Variants in TRPC5 observed in about 807,000 individuals in gnomAD.
TRPC5 encodes the protein short transient receptor potential channel 5.
A neutral mutation model predicts 56.5 loss-of-function variants in TRPC5; 9 were observed. That is an observed-to-expected ratio of 0.16 (90% CI 0.10 to 0.28). The LOEUF is 0.28. Among genes scored for constraint, TRPC5 ranks in the 10% least tolerant of loss-of-function variants. TRPC5 has a pLI of 1.00. For missense variants in TRPC5, 469 were observed against 748.9 expected (o/e 0.63, Z 4.36); for synonymous variants, 282 against 278.5 (o/e 1.01, Z -0.13).
In TRPC5 at chrX:112,068,444, C is replaced by T. The variant is rs190528437; in HGVS notation, c.-22+13435G>A. 1.6e-3 allele frequency among the ~76,000 whole-genome samples: 185 copies of T among 112,376 alleles called. 1 individual carries two copies. Among genetic ancestry groups the T allele is most frequent in the African/African-American group, 5.5e-3 (171 of 30,950 alleles). ...AGCTTGAATGATAGGGATTCATACA[C>T]CAAGGTTGGGTGATTGTGGGGAGAA... On this transcript the variant is annotated intron_variant, in intron 1 of 10. Coordinates refer to ENST00000262839, the MANE Select transcript of TRPC5 (RefSeq NM_012471.3).
At chrX:111,876,334 T>A (rs1923941502) in intron 3 of TRPC5, 1 of 111,531 alleles carries the variant, frequency 9.0e-6, no homozygotes, top group African/African-American at 3.3e-5. Context: ...AGAGGATAGG[T>A]AAGTTTTCCT....
intron 7 of TRPC5, among the ~76,000 whole-genome samples, chrX:111,830,977 G>A (rs1371629798): frequency 1.8e-5 from 2 of 112,432 alleles, no homozygotes; most frequent in African/African-American, 3.2e-5. Flanking sequence ...AATCACAAGT[G>A]TGGTATCTCT....
At chrX:111,780,826 C>G (rs1314377225) in intron 9 of TRPC5, among the ~76,000 whole-genome samples, 1 of 111,355 alleles carries the variant, frequency 9.0e-6, no homozygotes, top group Non-Finnish European at 1.9e-5. Flanking sequence ...AGTGATTTTT[C>G]TAGTATCTAG....
rs190115947 is a variant in TRPC5 at position 111,964,920 on chromosome X, C to A, written c.-21-12479G>T. ...GCTAGGAAGAAACTGCATCAACTAA[C>A]GAGCAAAATAACCCGCTAACATCAA... On this transcript the variant is annotated intron_variant, in intron 1 of 10. Coordinates refer to ENST00000262839, the MANE Select transcript of TRPC5 (RefSeq NM_012471.3). Among the ~76,000 whole-genome samples the A allele has an allele frequency of 4.3e-4, 48 of 111,793 alleles. No individual in the cohort carries two copies. The South Asian group carries it at 5.7e-3, about 13-fold the overall frequency.
chrX:111,892,135 C>T (rs1924836289), intron 3 of TRPC5, among the ~76,000 whole-genome samples: 1 of 112,110 alleles, frequency 8.9e-6, no homozygotes, highest in African/African-American at 3.2e-5. Flanking sequence ...GAGGAGGCCA[C>T]AACTGGTGCT....
chrX:111,972,067 CCTT>C (rs2148648923), intron 1 of TRPC5, among the ~76,000 whole-genome samples: 1 of 111,422 alleles, frequency 9.0e-6, no homozygotes, highest in African/African-American at 3.3e-5. Context: ...TGAAATGCGT[CCTT>C]CTTGGCTGCA....
chrX:111,964,586 T>C (rs948859010), intron 1 of TRPC5, among the ~76,000 whole-genome samples: 1 of 111,656 alleles, frequency 9.0e-6, no homozygotes, highest in Non-Finnish European at 1.9e-5. Context: ...AAGGTGGGGT[T>C]ACCCACAAAG....
At chrX:112,013,883 G>A (rs928776739) in intron 1 of TRPC5, among the ~76,000 whole-genome samples, 4 of 111,788 alleles carry the variant, frequency 3.6e-5, no homozygotes, top group Admixed American at 9.5e-5. Context: ...GAAGGGCATC[G>A]TTGGGGTATA....
chrX:112,032,296 T>C (rs140801267), intron 1 of TRPC5, among the ~76,000 whole-genome samples: 1,137 of 108,176 alleles, frequency 0.011, 13 homozygotes, highest in African/African-American at 0.037. Flanking sequence ...ACACTGCTGG[T>C]GAGAAGGTGA....
chrX:111,976,386 G>A (rs780634206), intron 1 of TRPC5, among the ~76,000 whole-genome samples: 61 of 111,230 alleles, frequency 5.5e-4, no homozygotes, highest in African/African-American at 2.0e-3. Context: ...TTGTGCCACT[G>A]AACTCCAGCC....
At position 111,928,487 on chromosome X, in the gene TRPC5, TTC is replaced by T. The variant is rs758381520; in HGVS notation, c.379-15677_379-15676del. 1.9e-4 allele frequency among the ~76,000 whole-genome samples: 21 copies of T among 112,368 alleles called. No homozygotes were observed. The Admixed American group carries it at 2.0e-3, about 11-fold the overall frequency. On this transcript the variant is annotated intron_variant, in intron 2 of 10. Coordinates refer to ENST00000262839, the MANE Select transcript of TRPC5 (RefSeq NM_012471.3). ...AAGAACAATGTCCCTATCCCATAAT[TTC>T]TCTCTCTCTGATATTACTTCCAATT... is the stretch of plus-strand genomic sequence containing the variant.
intron 1 of TRPC5, among the ~76,000 whole-genome samples, chrX:112,079,735 G>T (rs1930917614): frequency 8.9e-6 from 1 of 111,873 alleles, no homozygotes; most frequent in Non-Finnish European, 1.9e-5. Flanking sequence ...TATAGCTCTT[G>T]TGGCTGGGAA....
intron 1 of TRPC5, among the ~76,000 whole-genome samples, chrX:112,058,068 G>A (rs1459483682): frequency 8.9e-6 from 1 of 111,772 alleles, no homozygotes; most frequent in Non-Finnish European, 1.9e-5. Flanking sequence ...GTCTTTGTGA[G>A]AGAAGGAGGG....
intron 7 of TRPC5, among the ~76,000 whole-genome samples, chrX:111,806,236 CA>C (rs1326953493): frequency 5.4e-5 from 6 of 111,896 alleles, no homozygotes. Flanking sequence ...CTTAAAACCA[CA>C]AACATTTATT....
In TRPC5 at chrX:111,969,013, AATAAAAT is replaced by A. The variant is rs1284804870; in HGVS notation, c.-21-16579_-21-16573del. Reference sequence around the variant, plus strand: ...AATAAAATAAAATAAAATAAAATAAAATAAAATAAAAACAACAAAAAAAATAAATAAA... The same window carrying A: ...AATAAAATAAAATAAAATAAAATAAAAAAAACAACAAAAAAAATAAATAAA... On this transcript the variant is annotated intron_variant, in intron 1 of 10. Transcript: ENST00000262839. Among the ~76,000 whole-genome samples, 25 of 104,512 alleles carry A rather than the reference AATAAAAT, an allele frequency of 2.4e-4. No individual in the cohort carries two copies. In the Middle Eastern group the frequency reaches 0.015, roughly 61 times the overall value. 90.8% of individuals were successfully genotyped at this position (104,512 alleles called of 115,157 possible). A position where few individuals can be genotyped will look rare whatever the true frequency, so the allele number is the denominator to read the frequency against.
intron 1 of TRPC5, among the ~76,000 whole-genome samples, chrX:112,070,557 T>C (rs1160494669): frequency 9.0e-6 from 1 of 111,331 alleles, no homozygotes; most frequent in East Asian, 2.8e-4. Flanking sequence ...AAATCTTATA[T>C]TTGCATCCAA....
intron 1 of TRPC5, among the ~76,000 whole-genome samples, chrX:111,998,313 G>A (rs1353127011): frequency 1.8e-5 from 2 of 111,239 alleles, no homozygotes. Context: ...ATGTTTATGG[G>A]GTACATGTGA....
At chrX:111,853,694 G>T (rs1189021063) in intron 4 of TRPC5, 76 bp downstream of exon 4, 5 of 1,038,346 alleles carry the variant, frequency 4.8e-6, no homozygotes, top group South Asian at 2.1e-5. Context: ...GAGCTAGTCT[G>T]ACTGCCTGTT....
intron 1 of TRPC5, among the ~76,000 whole-genome samples, chrX:112,075,531 GAT>G (rs777490035): frequency 8.9e-6 from 1 of 112,286 alleles, no homozygotes; most frequent in Admixed American, 9.4e-5. Context: ...CTGTGAATAT[GAT>G]ATGTTACATG....
Sources: allele counts gnomAD v4.1 joint callset (sites outside exome capture counted in the v4.1 genomes callset), GRCh38; gene constraint gnomAD v4.1.1; transcripts MANE v1.5; gene names NCBI Gene and HGNC (gene_info 2026-07-23, HGNC 2026-07-21).